ARHGAP10: variants seen among roughly 807,000 people sequenced by gnomAD.
ARHGAP10 encodes the protein Rho GTPase activating protein 10.
Under a neutral mutation model 108.6 loss-of-function variants are expected in ARHGAP10, and 87 were observed. That is an observed-to-expected ratio of 0.80 (90% CI 0.67 to 0.96). The LOEUF (loss-of-function observed/expected upper bound fraction) is 0.96. Among genes scored for constraint, ARHGAP10 ranks in the 40% least tolerant of loss-of-function variants. The pLI, the probability that ARHGAP10 is intolerant of heterozygous loss-of-function variation, is 0.00. For missense variants in ARHGAP10, 939 were observed against 954.5 expected (o/e 0.98, Z 0.21); for synonymous variants, 347 against 341.1 (o/e 1.02, Z -0.19).
intron 1 of ARHGAP10, among the ~76,000 whole-genome samples, chr4:147,798,395 A>G (rs1009264634): frequency 6.6e-6 from 1 of 152,118 alleles, no homozygotes; most frequent in Non-Finnish European, 1.5e-5. Context: ...CTTATAGACA[A>G]TTTTGAATCT....
chr4:147,969,918 A>G (rs1739343415), intron 18 of ARHGAP10, among the ~76,000 whole-genome samples: 2 of 152,122 alleles, frequency 1.3e-5, no homozygotes, highest in Non-Finnish European at 1.5e-5. Context: ...GAAGGGAGCA[A>G]TGGACATCGA....
chr4:147,957,478 T>C (rs1173559860), intron 16 of ARHGAP10, among the ~76,000 whole-genome samples: 1 of 152,176 alleles, frequency 6.6e-6, no homozygotes, highest in Non-Finnish European at 1.5e-5. Flanking sequence ...AAATCGGGAT[T>C]GTGGTTAAGC....
intron 10 of ARHGAP10, among the ~76,000 whole-genome samples, chr4:147,904,188 C>T (rs561081791): frequency 1.3e-5 from 2 of 152,108 alleles, no homozygotes; most frequent in East Asian, 3.9e-4. Flanking sequence ...TTTGCATTGC[C>T]TTGATGACAT....
At chr4:148,023,013 G>A (rs1741627107) in intron 18 of ARHGAP10, 1 of 361,132 alleles carries the variant, frequency 2.8e-6, no homozygotes, top group Non-Finnish European at 5.0e-6. Flanking sequence ...TTTAGTTTTG[G>A]AATGAATTAT....
chr4:148,022,540 T>C (rs867849073), intron 18 of ARHGAP10, among the ~76,000 whole-genome samples: 1 of 152,240 alleles, frequency 6.6e-6, no homozygotes, highest in African/African-American at 2.4e-5. Flanking sequence ...CTGTGTGATA[T>C]GCTTTCTTTG....
rs996089034 is a variant in ARHGAP10 at position 147,732,823 on chromosome 4, A to G, written c.154+368A>G. 3.3e-5 allele frequency among the ~76,000 whole-genome samples: 5 copies of G among 152,066 alleles called. 1 individual carries two copies. Among genetic ancestry groups the G allele is most frequent in the African/African-American group, 7.2e-5 (3 of 41,402 alleles). On this transcript the variant is annotated intron_variant, in intron 1 of 22. Coordinates refer to ENST00000336498, the MANE Select transcript of ARHGAP10 (RefSeq NM_024605.4). ...TTCATTGCTGCCTAAAGCTACTCAC[A>G]ATCTCTTACAAAACCGAGGCATCTG... is the stretch of plus-strand genomic sequence containing the variant.
intron 3 of ARHGAP10, among the ~76,000 whole-genome samples, chr4:147,830,846 C>A (rs992811612): frequency 6.6e-6 from 1 of 152,112 alleles, no homozygotes; most frequent in Non-Finnish European, 1.5e-5. Context: ...TTTGCACTTA[C>A]CTAAATATTT....
At chr4:147,743,613 A>T (rs1017966241) in intron 1 of ARHGAP10, among the ~76,000 whole-genome samples, 2 of 152,074 alleles carry the variant, frequency 1.3e-5, no homozygotes, top group Non-Finnish European at 2.9e-5. Flanking sequence ...CCACATCTCT[A>T]CTAAAAATAT....
chr4:147,823,194 A>G (rs1732576806), intron 3 of ARHGAP10, among the ~76,000 whole-genome samples: 1 of 152,200 alleles, frequency 6.6e-6, no homozygotes, highest in Non-Finnish European at 1.5e-5. Flanking sequence ...CTTCATCTGT[A>G]AAGTGGACAG....
At chr4:147,906,845 C>G in intron 11 of ARHGAP10, 126 bp downstream of exon 11, 1 of 1,097,122 alleles carries the variant, frequency 9.1e-7, no homozygotes, top group Non-Finnish European at 1.3e-6. Flanking sequence ...CAAAAATCAT[C>G]GTGGAAGCAT....
At chr4:147,996,127 TG>T (rs1156353801) in intron 18 of ARHGAP10, among the ~76,000 whole-genome samples, 3 of 152,178 alleles carry the variant, frequency 2.0e-5, no homozygotes, top group Non-Finnish European at 4.4e-5. Context: ...TGGGCAGCTT[TG>T]GGTAAAGACT....
rs571945842 is a variant in ARHGAP10, at chr4:148,005,903, G to A, written c.1717-17360G>A. Among the ~76,000 whole-genome samples the A allele has an allele frequency of 2.4e-4, 36 of 152,292 alleles. No individual in the cohort carries two copies. In the South Asian group the frequency reaches 5.6e-3, roughly 24 times the overall value. On this transcript the variant is annotated intron_variant, in intron 18 of 22. Transcript: ENST00000336498. ...GATTATTTTACTCATGCAAATTACC[G>A]TCTCATTACACAATATTAGGTGAAA...
At chr4:148,063,561 A>G (rs1322335819) in intron 21 of ARHGAP10, among the ~76,000 whole-genome samples, 1 of 152,198 alleles carries the variant, frequency 6.6e-6, no homozygotes, top group Non-Finnish European at 1.5e-5. Context: ...TTGTGCATTT[A>G]TGAAGAAGTT....
At chr4:148,026,413 C>T (rs1204375822) in intron 19 of ARHGAP10, among the ~76,000 whole-genome samples, 1 of 152,144 alleles carries the variant, frequency 6.6e-6, no homozygotes, top group Non-Finnish European at 1.5e-5. Context: ...TTCAACCTCA[C>T]CCCCACTCCC....
chr4:147,826,755 A>G (rs978009512), intron 3 of ARHGAP10, among the ~76,000 whole-genome samples: 5 of 152,166 alleles, frequency 3.3e-5, no homozygotes, highest in African/African-American at 1.2e-4. Context: ...ACTTCAGTAT[A>G]TATCTCAAAA....
intron 1 of ARHGAP10, among the ~76,000 whole-genome samples, chr4:147,784,859 ATAT>A (rs1730807569): frequency 8.6e-6 from 1 of 116,274 alleles, no homozygotes; most frequent in Non-Finnish European, 1.6e-5. Flanking sequence ...TATTATAAAT[ATAT>A]TATAAAATAT....
At chr4:147,894,445 A>C (rs1401488101) in intron 10 of ARHGAP10, among the ~76,000 whole-genome samples, 1 of 152,188 alleles carries the variant, frequency 6.6e-6, no homozygotes, top group Non-Finnish European at 1.5e-5. Flanking sequence ...AATTATTTAG[A>C]AACAAATCAT....
At chr4:147,982,326 G>A (rs1340491493) in intron 18 of ARHGAP10, among the ~76,000 whole-genome samples, 1 of 149,528 alleles carries the variant, frequency 6.7e-6, no homozygotes, top group Non-Finnish European at 1.5e-5. Flanking sequence ...CGGTCGTCTT[G>A]TATCTCACAG....
intron 1 of ARHGAP10, among the ~76,000 whole-genome samples, chr4:147,781,938 A>T (rs1465455165): frequency 6.6e-6 from 1 of 152,120 alleles, no homozygotes; most frequent in East Asian, 1.9e-4. Context: ...GAGTTTCCAC[A>T]TTGGAAAACT....
Sources: gnomAD v4.1 joint callset for allele counts (sites outside exome capture counted in the v4.1 genomes callset) on GRCh38, gnomAD v4.1.1 for gene constraint, MANE v1.5 for transcripts, NCBI Gene and HGNC (gene_info 2026-07-23, HGNC 2026-07-21) for gene names.